The following DNAJC17 variants were observed in gnomAD, a reference collection of about 807,000 sequenced individuals.
DNAJC17 encodes DnaJ heat shock protein family (Hsp40) member C17.
In DNAJC17, 35 loss-of-function variants were observed where a neutral mutation model predicts 48.1. The observed-to-expected ratio is 0.73, with a 90% CI of 0.56 to 0.96. The LOEUF (loss-of-function observed/expected upper bound fraction) is 0.96. Ranked by LOEUF, DNAJC17 falls within the 50% of genes least tolerant of loss-of-function variation. DNAJC17 has a pLI of 0.00. For synonymous variants in DNAJC17, 117 were observed against 142.7 expected (o/e 0.82, Z 1.28); for missense variants, 355 against 377.1 (o/e 0.94, Z 0.48).
chr15:40,806,275 G>C (rs1409836962), intron 1 of DNAJC17, among the ~76,000 whole-genome samples: 1 of 146,040 alleles, frequency 6.8e-6, no homozygotes, highest in East Asian at 2.0e-4. Context: ...CTGGAGTGCA[G>C]TGGTGCAATC....
At chr15:40,783,760 A>G (rs975875401) in intron 1 of DNAJC17, among the ~76,000 whole-genome samples, 4 of 152,066 alleles carry the variant, frequency 2.6e-5, no homozygotes, top group African/African-American at 9.7e-5. Context: ...CTATGGGGGA[A>G]GCTGAGGCAG....
intron 5 of DNAJC17, 92 bp downstream of exon 5, chr15:40,776,450 T>C: frequency 6.6e-7 from 1 of 1,519,332 alleles, no homozygotes. Context: ...GCAAAGAGCA[T>C]GCCCTCTCTA....
chr15:40,792,086 C>T (rs2141959039), intron 1 of DNAJC17, among the ~76,000 whole-genome samples: 1 of 152,336 alleles, frequency 6.6e-6, no homozygotes, highest in Non-Finnish European at 1.5e-5. Context: ...TCAGCAAACC[C>T]TAGGCCATGC....
intron 7 of DNAJC17, 119 bp downstream of exon 7, chr15:40,775,434 C>T (rs570747872): frequency 7.8e-6 from 9 of 1,158,940 alleles, no homozygotes; most frequent in South Asian, 3.9e-5. Context: ...GGTAATGGTG[C>T]GGGCTCCACG....
intron 9 of DNAJC17, 105 bp downstream of exon 9, chr15:40,774,251 T>G (rs1889252295): frequency 3.1e-6 from 4 of 1,294,706 alleles, no homozygotes; most frequent in African/African-American, 1.5e-5. Flanking sequence ...GGCCTGGAGA[T>G]TCCCTAGGAG....
rs146624849 is a variant in DNAJC17 at position 40,785,112 on chromosome 15, AAAC to A, written c.79-5118_79-5116del. 7.2e-3 allele frequency among the ~76,000 whole-genome samples: 1,097 copies of A among 152,116 alleles called. 40 individuals carry two copies. Among genetic ancestry groups the A allele is most frequent in the East Asian group, 0.071 (369 of 5,168 alleles). On this transcript the variant is annotated intron_variant, in intron 1 of 10. Coordinates refer to ENST00000220496, the MANE Select transcript of DNAJC17 (RefSeq NM_018163.3). ...AAAGTCCATAACAACAACAACAACA[AAAC>A]AACAACAACAACAACATCTCTGAAA...
chr15:40,796,718 T>C (rs181866499), intron 1 of DNAJC17, among the ~76,000 whole-genome samples: 36 of 152,246 alleles, frequency 2.4e-4, no homozygotes, highest in African/African-American at 8.2e-4. Flanking sequence ...AAACATAGAA[T>C]TACCATATGA....
At chr15:40,800,955 CA>C (rs755967211) in intron 1 of DNAJC17, among the ~76,000 whole-genome samples, 45,604 of 107,656 alleles carry the variant, frequency 0.42, 6,973 homozygotes, top group Middle Eastern at 0.5. Context: ...GACTCCGTCT[CA>C]AAAAAAAAAA....
In DNAJC17 at chr15:40,783,629, C is replaced by T. The variant is rs796072892; in HGVS notation, c.79-3632G>A. On this transcript the variant is annotated intron_variant, in intron 1 of 10. Transcript: ENST00000220496. Reference sequence around the variant, plus strand: ...CTCTAATCCCATCGCTGTGGGAGGCCGAGGTGGGTGGATCACTTGAGGTCT... The same window carrying T: ...CTCTAATCCCATCGCTGTGGGAGGCTGAGGTGGGTGGATCACTTGAGGTCT... Among the ~76,000 whole-genome samples, 13 of 152,208 alleles carry T rather than the reference C, an allele frequency of 8.5e-5. No homozygotes were observed. The South Asian group carries it at 2.5e-3, about 29-fold the overall frequency.
intron 1 of DNAJC17, among the ~76,000 whole-genome samples, chr15:40,782,520 A>G (rs1479475721): frequency 6.6e-6 from 1 of 152,166 alleles, no homozygotes; most frequent in East Asian, 1.9e-4. Context: ...AGCTGTTGTA[A>G]GTGAAGACAG....
intron 1 of DNAJC17, among the ~76,000 whole-genome samples, chr15:40,782,955 C>T (rs1362004552): frequency 1.3e-5 from 2 of 152,134 alleles, no homozygotes; most frequent in Admixed American, 6.5e-5. Context: ...AATCGCCCAC[C>T]GAAGCACATC....
intron 1 of DNAJC17, among the ~76,000 whole-genome samples, chr15:40,796,662 T>C (rs1311573498): frequency 1.3e-5 from 2 of 152,200 alleles, no homozygotes; most frequent in East Asian, 3.8e-4. Flanking sequence ...GAAGGTTAAA[T>C]GGCACAGCCA....
At chr15:40,782,290 G>A (rs927805179) in intron 1 of DNAJC17, among the ~76,000 whole-genome samples, 4 of 152,082 alleles carry the variant, frequency 2.6e-5, no homozygotes, top group African/African-American at 9.7e-5. Context: ...GCATAGTGGT[G>A]CGTGCCTGCA....
intron 1 of DNAJC17, among the ~76,000 whole-genome samples, chr15:40,796,122 T>A (rs960287010): frequency 6.6e-6 from 1 of 152,226 alleles, no homozygotes; most frequent in Non-Finnish European, 1.5e-5. Flanking sequence ...CATCATAAAA[T>A]ATTACTGCCC....
At chr15:40,806,209 AT>A (rs1042617860) in intron 1 of DNAJC17, among the ~76,000 whole-genome samples, 22 of 131,540 alleles carry the variant, frequency 1.7e-4, no homozygotes, top group East Asian at 6.6e-4. Flanking sequence ...AGTGGGCACT[AT>A]TTTTTTTTCC....
intron 1 of DNAJC17, among the ~76,000 whole-genome samples, chr15:40,802,906 C>T (rs1394228858): frequency 6.6e-6 from 1 of 152,018 alleles, no homozygotes; most frequent in Non-Finnish European, 1.5e-5. Flanking sequence ...GAGTTCAAGA[C>T]CAACCTGGCC....
chr15:40,786,398 T>C (rs1566826598), intron 1 of DNAJC17, among the ~76,000 whole-genome samples: 1 of 152,184 alleles, frequency 6.6e-6, no homozygotes, highest in Non-Finnish European at 1.5e-5. Flanking sequence ...GTCCAGTGGC[T>C]CACGCCTGTA....
Position 40,780,203 on chromosome 15 carries a change from C to T in DNAJC17, c.79-206G>A, listed in dbSNP as rs1256569321. 2.8e-5 allele frequency: 19 copies of T among 669,802 alleles called. No homozygotes were observed. The Middle Eastern group carries it at 9.4e-4, about 33-fold the overall frequency. 41.5% of individuals were successfully genotyped at this position (669,802 alleles called of 1,614,324 possible). ...ACTGTCGCCCAGCACAGGAGCTGGG[C>T]CCACCTCCTGCTAAGTGCTCAACCT... On this transcript the variant is annotated intron_variant, in intron 1 of 10. Coordinates refer to ENST00000220496, the MANE Select transcript of DNAJC17 (RefSeq NM_018163.3).
In DNAJC17 at chr15:40,774,293, A is replaced by G; in HGVS notation, c.681+63T>C. On this transcript the variant is annotated intron_variant, in intron 9 of 10. Transcript: ENST00000220496. Reference sequence around the variant, plus strand: ...CCACCTAACTCAGAGGGCCCACAGAATTGGGTCCCTGCCCTAGAATGACAG... The same window carrying G: ...CCACCTAACTCAGAGGGCCCACAGAGTTGGGTCCCTGCCCTAGAATGACAG... 3 of 1,575,034 alleles carry G rather than the reference A, an allele frequency of 1.9e-6. No homozygotes were observed. In the South Asian group the frequency reaches 3.3e-5, roughly 17 times the overall value.
Sources: gnomAD v4.1 joint callset for allele counts (sites outside exome capture counted in the v4.1 genomes callset) on GRCh38, gnomAD v4.1.1 for gene constraint, MANE v1.5 for transcripts, NCBI Gene and HGNC (gene_info 2026-07-23, HGNC 2026-07-21) for gene names.